Variants in ARNT observed in about 807,000 individuals in gnomAD.
ARNT encodes the protein aryl hydrocarbon receptor nuclear translocator.
ARNT carries 30 observed loss-of-function variants against 105.0 expected under a neutral mutation model. That is an observed-to-expected ratio of 0.29 (90% CI 0.21 to 0.39). The LOEUF (loss-of-function observed/expected upper bound fraction) is 0.39. Ranked by LOEUF, ARNT falls within the 10% of genes least tolerant of loss-of-function variation. The pLI, the probability that ARNT is intolerant of heterozygous loss-of-function variation, is 1.00. For missense variants in ARNT, 748 were observed against 978.7 expected (o/e 0.76, Z 3.15); for synonymous variants, 304 against 344.0 (o/e 0.88, Z 1.29).
At chr1:150,839,708 T>C in intron 5 of ARNT, 54 bp from the exon 6 acceptor site, 6 of 1,543,164 alleles carry the variant, frequency 3.9e-6, no homozygotes, top group South Asian at 3.5e-5. Flanking sequence ...GGTCATTTGG[T>C]AGCAGGGAGA....
chr1:150,832,679 C>T (rs587624229), intron 8 of ARNT, among the ~76,000 whole-genome samples: 13 of 152,238 alleles, frequency 8.5e-5, no homozygotes, highest in African/African-American at 2.9e-4. Flanking sequence ...TTCAGCTTTG[C>T]GGGCCAGAAA....
chr1:150,846,065 A>G (rs587593925), intron 4 of ARNT, among the ~76,000 whole-genome samples, 198 bp downstream of exon 4: 1 of 152,274 alleles, frequency 6.6e-6, no homozygotes, highest in African/African-American at 2.4e-5. Context: ...TATAAAATAT[A>G]CCGCCAGTTT....
intron 7 of ARNT, 146 bp from the exon 8 acceptor site, chr1:150,834,786 AT>A (rs1200015823): frequency 3.1e-5 from 18 of 573,094 alleles, no homozygotes; most frequent in Non-Finnish European, 4.6e-5. Context: ...CAGGAGATGA[AT>A]TTTTTTTCAA....
At chr1:150,866,004 CAG>C (rs1372346016) in intron 1 of ARNT, among the ~76,000 whole-genome samples, 8 of 142,812 alleles carry the variant, frequency 5.6e-5, no homozygotes, top group African/African-American at 1.8e-4. Flanking sequence ...TTTTTTGAGA[CAG>C]AGTCTTCGCT....
chr1:150,814,257 G>A lies in ARNT; in HGVS notation c.1951-18C>T. On this transcript the variant is annotated intron_variant, in intron 19 of 21. Transcript: ENST00000358595. ...GCCACCTGCTAAAGAGAGATGGAGA[G>A]GGGATATAGAACAAATACAGCATTA... The A allele has an allele frequency of 1.9e-6, 3 of 1,612,904 alleles. No individual in the cohort carries two copies. The South Asian group carries it at 3.3e-5, about 18-fold the overall frequency.
rs1470920807 is a variant in ARNT at position 150,831,833 on chromosome 1, C to T, written c.940G>A (p.Ala314Thr). ...VVVHCTGYIK[A>T]WPPAGVSLPD... ...ACTTTCTTACCTGCTGGGGGCCAGG[C>T]CTTGATGTAGCCTGTGCAGTGGACC... is the stretch of plus-strand genomic sequence containing the variant. The change falls in exon 10 of 22, where the codon GCC (alanine) becomes ACC (threonine). Residue 314 changes from alanine to threonine, a missense_variant. Around this residue, in one of 4 missense-constraint regions of ARNT, gnomAD observed 291 missense variants for 444.6 expected, o/e 0.65. Coordinates refer to ENST00000358595, the MANE Select transcript of ARNT (RefSeq NM_001668.4). 5 of 1,606,540 alleles carry T rather than the reference C, an allele frequency of 3.1e-6. No individual in the cohort carries two copies. The South Asian group carries it at 5.6e-5, about 18-fold the overall frequency.
chr1:150,876,428 C>T, intron 1 of ARNT, 115 bp downstream of exon 1: 1 of 1,492,826 alleles, frequency 6.7e-7, no homozygotes, highest in Admixed American at 2.4e-5. Context: ...TCGCGGCCCC[C>T]GCCCCGCCCC....
intron 2 of ARNT, among the ~76,000 whole-genome samples, chr1:150,854,270 AAT>A (rs1440959060): frequency 6.6e-6 from 1 of 152,044 alleles, no homozygotes; most frequent in Non-Finnish European, 1.5e-5. Flanking sequence ...TATTTTAAAA[AAT>A]CTCAGCCAGG....
intron 8 of ARNT, among the ~76,000 whole-genome samples, chr1:150,834,102 TTTG>T (rs748632201): frequency 4.6e-5 from 7 of 151,894 alleles, no homozygotes; most frequent in Non-Finnish European, 7.4e-5. Context: ...CCCGTCTAAT[TTTG>T]TTGTTGTTTT....
chr1:150,817,484 T>G lies in ARNT; in HGVS notation c.1506-51A>C, dbSNP rs587667866. 1.4e-5 allele frequency: 22 copies of G among 1,574,174 alleles called. No homozygotes were observed. The East Asian group carries it at 4.9e-4, about 35-fold the overall frequency. ...GACAAATAGAAAAAAAAATTTTTTT[T>G]AAAAAAGAATCTGGAGAAAGAACCT... On this transcript the variant is annotated intron_variant, in intron 15 of 21. Coordinates refer to ENST00000358595, the MANE Select transcript of ARNT (RefSeq NM_001668.4).
chr1:150,866,124 A>T (rs1049247478), intron 1 of ARNT, among the ~76,000 whole-genome samples: 9 of 152,014 alleles, frequency 5.9e-5, no homozygotes, highest in African/African-American at 2.2e-4. Flanking sequence ...CTGGTACTAC[A>T]GGCACACACC....
At chr1:150,873,689 T>G (rs888637280) in intron 1 of ARNT, among the ~76,000 whole-genome samples, 1 of 151,836 alleles carries the variant, frequency 6.6e-6, no homozygotes, top group Non-Finnish European at 1.5e-5. Context: ...GAGGCTAAGG[T>G]GGGAGGATTG....
chr1:150,867,533 A>G (rs1666801878), intron 1 of ARNT, among the ~76,000 whole-genome samples: 1 of 152,162 alleles, frequency 6.6e-6, no homozygotes, highest in Admixed American at 6.6e-5. Flanking sequence ...TTAAAAGAAA[A>G]AGAGAGAGAT....
intron 1 of ARNT, among the ~76,000 whole-genome samples, chr1:150,876,073 T>C (rs890641544): frequency 2.8e-4 from 42 of 152,344 alleles, no homozygotes; most frequent in Non-Finnish European, 4.6e-4. Flanking sequence ...TAAATTAAAA[T>C]CTAAACCTTT....
Position 150,813,230 on chromosome 1 carries a change from C to T in ARNT, c.2222G>A (p.Ser741Asn). 1 of 1,613,862 alleles carries T rather than the reference C, an allele frequency of 6.2e-7. No individual in the cohort carries two copies. Among genetic ancestry groups the T allele is most frequent in the Non-Finnish European group, 8.5e-7 (1 of 1,179,912 alleles). Residue 741 changes from serine (S) to asparagine (N), a missense_variant, in exon 21 of 22, where the codon AGT becomes AAT. Ser to Asn is a conservative substitution (Grantham distance 46, BLOSUM62 1). Coordinates refer to ENST00000358595, the MANE Select transcript of ARNT (RefSeq NM_001668.4). ...TGGCGGTTGTTGAACATGTTGCTCA[C>T]TAGAACTTGAACGATGATGAGGCTG... is the stretch of plus-strand genomic sequence containing the variant. ...GQQPHHRSSS[S>N]EQHVQQPPAQ...
At chr1:150,814,035 T>C in intron 20 of ARNT, 42 bp downstream of exon 20, 2 of 1,605,818 alleles carry the variant, frequency 1.2e-6, no homozygotes, top group Non-Finnish European at 1.7e-6. Flanking sequence ...TTCTCTTTAG[T>C]GGTGCGATTT....
chr1:150,831,900 A>G lies in ARNT; in HGVS notation c.873T>C (p.Asn291=), dbSNP rs1659410962. Residue 291 remains asparagine, a synonymous_variant, in exon 10 of 22, where the codon AAT becomes AAC. Coordinates refer to ENST00000358595, the MANE Select transcript of ARNT (RefSeq NM_001668.4). ...CCCCATCCTTTACAGAGCCAAGTCC[A>G]TTCCTAGAAGAGTTACAGGAGTTTG... ...RLSFVRNRCR[N]GLGSVKDGEP... The G allele has an allele frequency of 1.3e-6, 2 of 1,541,134 alleles. No homozygotes were observed. The highest frequency in any genetic ancestry group is 2.0e-5 in the Admixed American group (1 of 49,326).
At chr1:150,850,192 C>T (rs1320835762) in intron 3 of ARNT, among the ~76,000 whole-genome samples, 1 of 152,160 alleles carries the variant, frequency 6.6e-6, no homozygotes, top group East Asian at 1.9e-4. Flanking sequence ...TCGAGACCAT[C>T]CTGCCCAACA....
chr1:150,837,969 C>T (rs1028561130), intron 6 of ARNT, among the ~76,000 whole-genome samples: 5 of 152,110 alleles, frequency 3.3e-5, no homozygotes, highest in Non-Finnish European at 7.4e-5. Context: ...TCAGTTTTAT[C>T]GATTCTACTT....
Sources: allele counts gnomAD v4.1 joint callset (sites outside exome capture counted in the v4.1 genomes callset), GRCh38; gene constraint gnomAD v4.1.1; regional missense constraint gnomAD v4.1.1; transcripts MANE v1.5; gene names NCBI Gene and HGNC (gene_info 2026-07-23, HGNC 2026-07-21).